The following HIRA variants were observed in gnomAD, a reference collection of about 807,000 sequenced individuals.
The protein encoded by HIRA is histone cell cycle regulator, also known as protein HIRA.
A neutral mutation model predicts 126.6 loss-of-function variants in HIRA; 13 were observed. The ratio of observed to expected loss-of-function variants is 0.10; its 90% CI spans 0.07 to 0.16. The LOEUF (loss-of-function observed/expected upper bound fraction) is 0.16, where lower values mean the gene tolerates loss of function less well. Among genes scored for constraint, HIRA ranks in the 10% least tolerant of loss-of-function variants. HIRA has a pLI of 1.00. For synonymous variants in HIRA, 511 were observed against 520.0 expected (o/e 0.98, Z 0.24); for missense variants, 834 against 1,314.4 (o/e 0.63, Z 5.65).
At chr22:19,396,669 G>T (rs1181616623) in intron 7 of HIRA, 118 bp downstream of exon 7, 3 of 1,011,604 alleles carry the variant, frequency 3.0e-6, no homozygotes, top group Non-Finnish European at 4.4e-6. Context: ...TCAGGCCCCC[G>T]GACTCTGTGC....
At chr22:19,365,432 T>C (rs1450746293) in intron 15 of HIRA, among the ~76,000 whole-genome samples, 1 of 152,222 alleles carries the variant, frequency 6.6e-6, no homozygotes, top group Non-Finnish European at 1.5e-5. Context: ...CTGGTGATTT[T>C]AGGTGGAAGT....
At chr22:19,336,026 C>T (rs2088563994) in intron 24 of HIRA, among the ~76,000 whole-genome samples, 1 of 152,140 alleles carries the variant, frequency 6.6e-6, no homozygotes, top group African/African-American at 2.4e-5. Context: ...AGGCTATGTA[C>T]ATCCTTTGTT....
chr22:19,338,699 A>T (rs2088593883), intron 24 of HIRA, among the ~76,000 whole-genome samples: 1 of 152,260 alleles, frequency 6.6e-6, no homozygotes, highest in Non-Finnish European at 1.5e-5. Context: ...CTTTAAAGCA[A>T]CAATAGTTGA....
intron 14 of HIRA, among the ~76,000 whole-genome samples, chr22:19,376,619 G>T (rs958516467): frequency 1.3e-5 from 2 of 152,168 alleles, no homozygotes; most frequent in Non-Finnish European, 2.9e-5. Context: ...CTTCGTCCTG[G>T]CATGCTTTGC....
Position 19,407,292 on chromosome 22 carries a change from T to A in HIRA, c.212-18A>T, listed in dbSNP as rs751546758. On this transcript the variant is annotated intron_variant, in intron 3 of 24. Coordinates refer to ENST00000263208, the MANE Select transcript of HIRA (RefSeq NM_003325.4). ...CACACATGCTGGGAAGAAAAAAAAATAAGGTGATGAAAATCCAGTAGTCAT... is the reference window on the plus strand; with the variant it reads ...CACACATGCTGGGAAGAAAAAAAAAAAAGGTGATGAAAATCCAGTAGTCAT... 2 of 1,592,948 alleles carry A rather than the reference T, an allele frequency of 1.3e-6. No homozygotes were observed. The highest frequency in any genetic ancestry group is 1.7e-5 in the Admixed American group (1 of 59,914).
At position 19,384,644 on chromosome 22, in the gene HIRA, G is replaced by A. The variant is rs188477589; in HGVS notation, c.1329+877C>T. Reference sequence around the variant, plus strand: ...GAACCACACATCTGTCACTAAGCTAGGGATTTTCTTTCTTTCTTTTTTTTT... The same window carrying A: ...GAACCACACATCTGTCACTAAGCTAAGGATTTTCTTTCTTTCTTTTTTTTT... On this transcript the variant is annotated intron_variant, in intron 12 of 24. Coordinates refer to ENST00000263208, the MANE Select transcript of HIRA (RefSeq NM_003325.4). Among the ~76,000 whole-genome samples, 1,071 of 151,876 alleles carry A rather than the reference G, an allele frequency of 7.1e-3. 10 individuals are homozygous for A. The highest frequency in any genetic ancestry group is 0.012 in the Non-Finnish European group (846 of 67,916).
rs527686047 is a variant in HIRA, at chr22:19,405,411, T to C, written c.397+375A>G. 2.0e-3 allele frequency: 1,657 copies of C among 818,922 alleles called. 4 individuals carry two copies. The highest frequency in any genetic ancestry group is 2.4e-3 in the Non-Finnish European group (1,599 of 677,570). The allele number at this position is 818,922 out of a possible 1,614,324, so 50.7% of individuals were successfully genotyped here. A position where few individuals can be genotyped will look rare whatever the true frequency, so the allele number is the denominator to read the frequency against. ...TACTCAAGGTCAAGTTGAGAAACTT[T>C]TCAATGGGCATCTGTGAGCTGATTT... On this transcript the variant is annotated intron_variant, in intron 5 of 24. Coordinates refer to ENST00000263208, the MANE Select transcript of HIRA (RefSeq NM_003325.4).
At chr22:19,371,229 G>A (rs571857492) in intron 15 of HIRA, among the ~76,000 whole-genome samples, 5 of 152,114 alleles carry the variant, frequency 3.3e-5, no homozygotes, top group East Asian at 1.9e-4. Context: ...CAACTACCCC[G>A]CAGCACATCC....
intron 1 of HIRA, among the ~76,000 whole-genome samples, chr22:19,424,138 C>T (rs757803540): frequency 1.3e-5 from 2 of 152,322 alleles, no homozygotes; most frequent in South Asian, 4.1e-4. Flanking sequence ...CCATTCCTGG[C>T]CCTGGGAAAA....
chr22:19,347,679 C>G (rs564491311), intron 24 of HIRA, among the ~76,000 whole-genome samples: 1 of 152,212 alleles, frequency 6.6e-6, no homozygotes, highest in South Asian at 2.1e-4. Context: ...TGGCTCATGT[C>G]TATAATCCCA....
intron 13 of HIRA, among the ~76,000 whole-genome samples, chr22:19,380,637 A>T (rs1043943920): frequency 2.0e-5 from 3 of 151,956 alleles, no homozygotes; most frequent in Non-Finnish European, 4.4e-5. Flanking sequence ...ATTTGATACA[A>T]AGTCTCACTC....
At chr22:19,384,212 GGAGGCT>G (rs990391033) in intron 12 of HIRA, among the ~76,000 whole-genome samples, 2 of 151,494 alleles carry the variant, frequency 1.3e-5, no homozygotes, top group Non-Finnish European at 2.9e-5. Context: ...CAGCTACTCA[GGAGGCT>G]GAGGCTGAGG....
intron 18 of HIRA, among the ~76,000 whole-genome samples, chr22:19,358,691 G>C (rs1210716): frequency 0.86 from 131,346 of 152,144 alleles, 58,113 homozygotes; most frequent in Non-Finnish European, 0.96. Context: ...ATTTACATGG[G>C]ACCTCATGGC....
At chr22:19,352,235 C>G (rs892489735) in intron 23 of HIRA, among the ~76,000 whole-genome samples, 6 of 151,828 alleles carry the variant, frequency 4.0e-5, no homozygotes. Flanking sequence ...CAGAAGTCAT[C>G]CCAAGATGGG....
intron 3 of HIRA, among the ~76,000 whole-genome samples, chr22:19,408,090 C>A (rs2089322096): frequency 6.6e-6 from 1 of 152,210 alleles, no homozygotes; most frequent in African/African-American, 2.4e-5. Flanking sequence ...AACCATCACA[C>A]TGTCTGATGG....
chr22:19,413,462 A>G (rs5748192), intron 1 of HIRA, among the ~76,000 whole-genome samples: 23,133 of 151,866 alleles, frequency 0.15, 3,873 homozygotes, highest in African/African-American at 0.42. Context: ...TCCTAGTGCT[A>G]TGCAGATTAG....
chr22:19,370,374 G>T (rs1049745212), intron 15 of HIRA, among the ~76,000 whole-genome samples: 3 of 152,182 alleles, frequency 2.0e-5, no homozygotes, highest in Non-Finnish European at 4.4e-5. Flanking sequence ...CTCCTGAGTA[G>T]CTGGGACTAC....
At chr22:19,343,848 G>C (rs572194832) in intron 24 of HIRA, among the ~76,000 whole-genome samples, 1 of 150,236 alleles carries the variant, frequency 6.7e-6, no homozygotes, top group African/African-American at 2.4e-5. Context: ...GATTGATTGA[G>C]CCAGAAGGTT....
chr22:19,389,159 A>G (rs1193409164), intron 9 of HIRA, among the ~76,000 whole-genome samples: 1 of 152,192 alleles, frequency 6.6e-6, no homozygotes, highest in Non-Finnish European at 1.5e-5. Context: ...TCAAAGTAAG[A>G]ATTTATTTTA....
Sources: allele counts gnomAD v4.1 joint callset (sites outside exome capture counted in the v4.1 genomes callset), GRCh38; gene constraint gnomAD v4.1.1; transcripts MANE v1.5; gene names NCBI Gene and HGNC (gene_info 2026-07-23, HGNC 2026-07-21).